FZD3: variants seen among roughly 807,000 people sequenced by gnomAD.
The protein encoded by FZD3 is frizzled class receptor 3.
A neutral mutation model predicts 60.7 loss-of-function variants in FZD3; 30 were observed. The observed-to-expected ratio is 0.49, with a 90% CI of 0.37 to 0.67. The LOEUF is 0.67. Among genes scored for constraint, FZD3 ranks in the 30% least tolerant of loss-of-function variants. The pLI is 0.00. For synonymous variants in FZD3, 246 were observed against 275.2 expected (o/e 0.89, Z 1.05); for missense variants, 605 against 838.7 (o/e 0.72, Z 3.44).
rs1387813806 is a variant in FZD3 at position 28,567,906 on chromosome 8, T to A, written c.*4895T>A. On this transcript the variant is annotated 3_prime_UTR_variant, in exon 8 of 8. Transcript: ENST00000240093. ...GCTTGACTTAAATTATAAAAAAAAA[T>A]ATATATGAAGAAGAATGTAGACCCT... 6.6e-6 allele frequency: 1 copy of A among 152,094 alleles called. No homozygotes were observed. Among genetic ancestry groups the A allele is most frequent in the African/African-American group, 2.4e-5 (1 of 41,450 alleles). 9.4% of individuals were successfully genotyped at this position (152,094 alleles called of 1,614,324 possible).
Position 28,527,556 on chromosome 8 carries a change from G to A in FZD3, c.796G>A (p.Ala266Thr), listed in dbSNP as rs1343108849. 1 of 1,613,876 alleles carries A rather than the reference G, an allele frequency of 6.2e-7. No individual in the cohort carries two copies. Among genetic ancestry groups the A allele is most frequent in the East Asian group, 2.2e-5 (1 of 44,884 alleles). Residue 266 changes from alanine (A) to threonine (T), a missense_variant, in exon 5 of 8, where the codon GCA (alanine) becomes ACA (threonine). Ala to Thr is a moderately conservative substitution (Grantham distance 58). Transcript: ENST00000240093. This position sits in a 1 kb window ranked among gnomAD's most constrained non-coding sequence, Gnocchi z 5.0. ...FLLEDRVACN[A>T]SIPAQYKAST... ...GCTTGAAGATCGAGTAGCCTGCAAT[G>A]CATCCATCCCTGCACAATATAAGGC... is the stretch of plus-strand genomic sequence containing the variant.
intron 5 of FZD3, among the ~76,000 whole-genome samples, chr8:28,532,752 G>A (rs77797853): frequency 0.013 from 1,950 of 152,208 alleles, 47 homozygotes; most frequent in African/African-American, 0.045. Flanking sequence ...AAACATCCTT[G>A]TTGAACTCCT....
At chr8:28,518,510 G>A (rs531869535) in intron 3 of FZD3, among the ~76,000 whole-genome samples, 7 of 152,262 alleles carry the variant, frequency 4.6e-5, no homozygotes, top group Middle Eastern at 3.4e-3. Flanking sequence ...GCTGTGCAGA[G>A]GTTGAACAGT....
Position 28,569,231 on chromosome 8 carries a change from G to T in FZD3, c.*6220G>T, listed in dbSNP as rs1275705677. On this transcript the variant is annotated 3_prime_UTR_variant, in exon 8 of 8. Transcript: ENST00000240093. ...AATAATTTCTATTTTCTATCCTGGA[G>T]TCTAAAATTAAACAAAAAAATCTAT... 1 of 149,414 alleles carries T rather than the reference G, an allele frequency of 6.7e-6. No homozygotes were observed. The highest frequency in any genetic ancestry group is 2.5e-5 in the African/African-American group (1 of 40,692). 9.3% of individuals were successfully genotyped at this position (149,414 alleles called of 1,614,324 possible).
At chr8:28,542,317 A>C (rs1396559145) in intron 5 of FZD3, among the ~76,000 whole-genome samples, 2 of 152,080 alleles carry the variant, frequency 1.3e-5, no homozygotes, top group Non-Finnish European at 2.9e-5. Context: ...ATGTCCTTGA[A>C]GAAGCCTTTA....
At chr8:28,535,798 T>G (rs1228969518) in intron 5 of FZD3, among the ~76,000 whole-genome samples, 1 of 152,146 alleles carries the variant, frequency 6.6e-6, no homozygotes, top group Non-Finnish European at 1.5e-5. Context: ...GATATTTGGG[T>G]TTTTTTGGTC....
intron 5 of FZD3, among the ~76,000 whole-genome samples, chr8:28,547,990 C>T (rs1478839160): frequency 6.6e-6 from 1 of 151,764 alleles, no homozygotes; most frequent in African/African-American, 2.4e-5. Flanking sequence ...GTAGCTGGGA[C>T]TACAGGCGCC....
At chr8:28,562,059 C>T (rs1034445052) in intron 7 of FZD3, among the ~76,000 whole-genome samples, 6 of 152,130 alleles carry the variant, frequency 3.9e-5, no homozygotes, top group Admixed American at 1.3e-4. Context: ...AGGAGCCCAG[C>T]TCACATACTC....
At chr8:28,528,827 T>C (rs1039890295) in intron 5 of FZD3, among the ~76,000 whole-genome samples, 15 of 152,300 alleles carry the variant, frequency 9.8e-5, no homozygotes, top group African/African-American at 3.4e-4. Context: ...CTTAGATAAA[T>C]GTAGTCAAGG....
intron 1 of FZD3, among the ~76,000 whole-genome samples, chr8:28,495,873 A>G (rs1803830757): frequency 6.6e-6 from 1 of 151,702 alleles, no homozygotes; most frequent in African/African-American, 2.4e-5. Context: ...GTTTGAAACT[A>G]TTAGGAAAAT....
At chr8:28,530,583 G>T (rs1278613960) in intron 5 of FZD3, 1 of 152,030 alleles carries the variant, frequency 6.6e-6, no homozygotes, top group African/African-American at 2.4e-5. Flanking sequence ...TTTACATATA[G>T]ATACGTTTTT....
chr8:28,527,214 G>A lies in FZD3; in HGVS notation c.454G>A (p.Gly152Arg), dbSNP rs183652948. ...DLNLAGEPTE[G>R]APVAVQRDYG... ...GAATTTAGCTGGAGAACCAACTGAA[G>A]GAGCCCCAGTGGCAGTGCAGAGAGA... Residue 152 changes from glycine to arginine, a missense_variant, in exon 5 of 8, where the codon GGA (glycine) becomes AGA (arginine). Transcript: ENST00000240093. This position sits in a 1 kb window ranked among gnomAD's most constrained non-coding sequence, Gnocchi z 5.0. 1 of 1,613,822 alleles carries A rather than the reference G, an allele frequency of 6.2e-7. No homozygotes were observed. The highest frequency in any genetic ancestry group is 1.3e-5 in the African/African-American group (1 of 75,012).
intron 3 of FZD3, among the ~76,000 whole-genome samples, chr8:28,503,462 G>A (rs1044517247): frequency 6.6e-6 from 1 of 152,136 alleles, no homozygotes; most frequent in Non-Finnish European, 1.5e-5. Context: ...GGAGATAGCA[G>A]CCATTCAGAA....
Position 28,502,902 on chromosome 8 carries a change from A to G in FZD3, c.-112A>G, listed in dbSNP as rs750883690. ...GAGTATTTAACTGTTTGAAGAATTT[A>G]ACAGTAAGATACAGAAGAAGTACCT... On this transcript the variant is annotated 5_prime_UTR_variant, in exon 3 of 8. Transcript: ENST00000240093. 1.5e-6 allele frequency: 1 copy of G among 652,198 alleles called. No homozygotes were observed. Among genetic ancestry groups the G allele is most frequent in the Non-Finnish European group, 2.6e-6 (1 of 379,722 alleles). The allele number at this position is 652,198 out of a possible 1,614,324, so 40.4% of individuals were successfully genotyped here.
chr8:28,546,692 G>A (rs1422489583), intron 5 of FZD3, among the ~76,000 whole-genome samples: 5 of 151,694 alleles, frequency 3.3e-5, no homozygotes, highest in Admixed American at 6.6e-5. Context: ...TTAATGGTTC[G>A]AGGCTGGGCG....
intron 5 of FZD3, among the ~76,000 whole-genome samples, chr8:28,532,929 A>G (rs945593906): frequency 6.6e-6 from 1 of 152,178 alleles, no homozygotes; most frequent in African/African-American, 2.4e-5. Context: ...CTCTGTCCTC[A>G]TATCTTTGAA....
At position 28,573,968 on chromosome 8, in the gene FZD3, T is replaced by C. The variant is rs1284218297; in HGVS notation, c.*10957T>C. The C allele has an allele frequency of 6.6e-6, 1 of 152,152 alleles. No homozygotes were observed. Among genetic ancestry groups the C allele is most frequent in the African/African-American group, 2.4e-5 (1 of 41,450 alleles). The allele number at this position is 152,152 out of a possible 1,614,324, so 9.4% of individuals were successfully genotyped here. On this transcript the variant is annotated 3_prime_UTR_variant, in exon 8 of 8. Transcript: ENST00000240093. ...TGTGGCATTAGTTCTTCATGTTTCTTTTTTATATGTTTATTAAAATTGTTC... is the reference window on the plus strand; with the variant it reads ...TGTGGCATTAGTTCTTCATGTTTCTCTTTTATATGTTTATTAAAATTGTTC...
At chr8:28,498,411 G>C (rs911316540) in intron 1 of FZD3, among the ~76,000 whole-genome samples, 2 of 151,946 alleles carry the variant, frequency 1.3e-5, no homozygotes, top group African/African-American at 2.4e-5. Context: ...TTTGGGTCCA[G>C]AATCTTTGCT....
chr8:28,530,333 T>C (rs1021712227), intron 5 of FZD3: 1 of 152,106 alleles, frequency 6.6e-6, no homozygotes, highest in Non-Finnish European at 1.5e-5. Flanking sequence ...TTCCTCATAG[T>C]ATGAGGATAG....
Sources: allele counts gnomAD v4.1 joint callset (sites outside exome capture counted in the v4.1 genomes callset), GRCh38; gene constraint gnomAD v4.1.1; non-coding constraint Gnocchi (gnomAD v3.1); transcripts MANE v1.5; gene names NCBI Gene and HGNC (gene_info 2026-07-23, HGNC 2026-07-21).